The following WDFY4 variants were observed in gnomAD, a reference collection of about 807,000 sequenced individuals.
The protein encoded by WDFY4 is WD repeat- and FYVE domain-containing protein 4.
Under a neutral mutation model 351.9 loss-of-function variants are expected in WDFY4, and 169 were observed. That is an observed-to-expected ratio of 0.48 (90% CI 0.42 to 0.55). The LOEUF is 0.55. Ranked by LOEUF, WDFY4 falls within the 20% of genes least tolerant of loss-of-function variation. The pLI is 0.00. For missense variants in WDFY4, 3,803 were observed against 3,935.6 expected (o/e 0.97, Z 0.90); for synonymous variants, 1,622 against 1,574.6 (o/e 1.03, Z -0.71).
intron 42 of WDFY4, among the ~76,000 whole-genome samples, chr10:48,876,703 G>A (rs1025523855): frequency 2.6e-5 from 4 of 152,188 alleles, no homozygotes; most frequent in Admixed American, 2.6e-4. Flanking sequence ...ATCCTAGCTG[G>A]GCCTCTGAGG....
Position 48,820,915 on chromosome 10 carries a change from T to A in WDFY4, c.5710-147T>A, listed in dbSNP as rs1589688393. On this transcript the variant is annotated intron_variant, in intron 33 of 61. Transcript: ENST00000325239. ...GATGAGGCAGCTCAGTCACAGAGGG[T>A]GGGCCCCCAGAGAAGGGAAAATTGT... 4 of 632,054 alleles carry A rather than the reference T, an allele frequency of 6.3e-6. No individual in the cohort carries two copies. In the Admixed American group the frequency reaches 9.4e-5, roughly 15 times the overall value. The allele number at this position is 632,054 out of a possible 1,614,324, so 39.2% of individuals were successfully genotyped here. A position where few individuals can be genotyped will look rare whatever the true frequency, so the allele number is the denominator to read the frequency against.
intron 34 of WDFY4, 67 bp from the exon 35 acceptor site, chr10:48,822,313 G>T: frequency 6.9e-7 from 1 of 1,452,256 alleles, no homozygotes; most frequent in Admixed American, 2.3e-5. Context: ...ACTACAGGGG[G>T]CTTGGAGATT....
In WDFY4 at chr10:48,966,602, G is replaced by T. The variant is rs1482911568; in HGVS notation, c.8513G>T (p.Ser2838Ile). ...GGAAAGGATGTCTCCACCCCCGTGA[G>T]CCTGCCTGGCCACCCACAGCCCTTT... ...LPGKDVSTPVSLPGHPQPFFY... is the reference protein window; with the variant it reads ...LPGKDVSTPVILPGHPQPFFY... Residue 2838 changes from serine (S) to isoleucine (I), a missense_variant, in exon 55 of 62, where the codon AGC becomes ATC. Physicochemically the swap from Ser to Ile is moderately radical, Grantham distance 142 (BLOSUM62 -2). Transcript: ENST00000325239. The T allele has an allele frequency of 4.4e-5, 69 of 1,551,918 alleles. No individual in the cohort carries two copies. The highest frequency in any genetic ancestry group is 5.6e-5 in the Non-Finnish European group (64 of 1,147,024).
At chr10:48,740,330 C>T (rs1054692093) in intron 11 of WDFY4, among the ~76,000 whole-genome samples, 8 of 152,194 alleles carry the variant, frequency 5.3e-5, no homozygotes, top group African/African-American at 1.2e-4. Context: ...ACCACACACA[C>T]GTCAAGGTTG....
intron 51 of WDFY4, among the ~76,000 whole-genome samples, chr10:48,954,547 C>G (rs1443772833): frequency 2.0e-5 from 3 of 152,320 alleles, no homozygotes; most frequent in East Asian, 3.9e-4. Context: ...TTGACTGGGT[C>G]TCTCTGCCTC....
chr10:48,787,888 CTTCTCCTTCTTCTTCTTCTTCTTCTTCT>C (rs2066491714), intron 20 of WDFY4, among the ~76,000 whole-genome samples: 2 of 73,572 alleles, frequency 2.7e-5, no homozygotes, highest in African/African-American at 9.7e-5. Flanking sequence ...CTTTCTTCTT[CTTCTCCTTCTTCTTCTTCTTCTTCTTCT>C]TCTTCTTCTT....
chr10:48,826,532 G>C (rs1003606632), intron 35 of WDFY4, 139 bp from the exon 36 acceptor site: 1 of 640,238 alleles, frequency 1.6e-6, no homozygotes, highest in Admixed American at 2.8e-5. Flanking sequence ...AATGGGAATA[G>C]CATTGAATCT....
At chr10:48,725,814 C>A in intron 5 of WDFY4, 67 bp from the exon 6 acceptor site, 1 of 1,445,126 alleles carries the variant, frequency 6.9e-7, no homozygotes, top group Non-Finnish European at 9.3e-7. Context: ...AAGTAGGGAA[C>A]AAATCCATCT....
intron 9 of WDFY4, 50 bp downstream of exon 9, chr10:48,731,612 G>T (rs766517286): frequency 8.6e-6 from 13 of 1,508,356 alleles, no homozygotes; most frequent in Middle Eastern, 1.8e-4. Context: ...TGTCAGCCAG[G>T]CCTGACCTTT....
chr10:48,867,681 A>G (rs765756792), intron 40 of WDFY4, among the ~76,000 whole-genome samples: 1 of 152,182 alleles, frequency 6.6e-6, no homozygotes, highest in Non-Finnish European at 1.5e-5. Flanking sequence ...AAGTCTTCCT[A>G]CCTGTGAAGA....
At chr10:48,760,660 T>G (rs1396874606) in intron 13 of WDFY4, among the ~76,000 whole-genome samples, 1 of 152,228 alleles carries the variant, frequency 6.6e-6, no homozygotes, top group Non-Finnish European at 1.5e-5. Flanking sequence ...ACAGATCACT[T>G]CTGTTAACAA....
intron 47 of WDFY4, among the ~76,000 whole-genome samples, chr10:48,920,698 A>C (rs547183478): frequency 3.3e-5 from 5 of 152,250 alleles, no homozygotes; most frequent in Non-Finnish European, 7.3e-5. Flanking sequence ...GCATACAGAC[A>C]GAAAAGAATG....
At chr10:48,938,544 G>C (rs1326157643) in intron 47 of WDFY4, among the ~76,000 whole-genome samples, 2 of 152,342 alleles carry the variant, frequency 1.3e-5, no homozygotes, top group East Asian at 1.9e-4. Context: ...CACCTGCTCT[G>C]GGGGCCTGGT....
intron 1 of WDFY4, among the ~76,000 whole-genome samples, chr10:48,705,462 G>T (rs971950739): frequency 6.6e-6 from 1 of 152,186 alleles, no homozygotes; most frequent in Admixed American, 6.5e-5. Flanking sequence ...CTGCTGGCTT[G>T]TAGGTGGGGC....
At chr10:48,964,896 T>A (rs1284138899) in intron 54 of WDFY4, among the ~76,000 whole-genome samples, 2 of 152,140 alleles carry the variant, frequency 1.3e-5, no homozygotes, top group Admixed American at 1.3e-4. Context: ...AGGGGCTCCT[T>A]CTGCAGTTAG....
At chr10:48,685,917 C>CT (rs1787652667) in intron 1 of WDFY4, among the ~76,000 whole-genome samples, 1 of 111,686 alleles carries the variant, frequency 9.0e-6, no homozygotes. Flanking sequence ...GGGTGGGGGT[C>CT]TTGGGAGGGT....
intron 43 of WDFY4, among the ~76,000 whole-genome samples, chr10:48,882,735 A>G (rs1357825338): frequency 6.6e-6 from 1 of 151,994 alleles, no homozygotes; most frequent in African/African-American, 2.4e-5. Flanking sequence ...TCTCAGCTGA[A>G]CTCTCGGAGA....
intron 17 of WDFY4, among the ~76,000 whole-genome samples, chr10:48,777,981 T>C (rs1350614235): frequency 1.3e-5 from 2 of 152,184 alleles, no homozygotes; most frequent in African/African-American, 4.8e-5. Context: ...TAGAGAGAAA[T>C]ATGAGTTGGG....
chr10:48,967,006 TAC>T (rs1842116078), intron 55 of WDFY4: 1 of 263,812 alleles, frequency 3.8e-6, no homozygotes, highest in Non-Finnish European at 7.2e-6. Flanking sequence ...CACACACATG[TAC>T]ACACACATAC....
Sources: gnomAD v4.1 joint callset for allele counts (sites outside exome capture counted in the v4.1 genomes callset) on GRCh38, gnomAD v4.1.1 for gene constraint, MANE v1.5 for transcripts, NCBI Gene and HGNC (gene_info 2026-07-23, HGNC 2026-07-21) for gene names.